Variants in ANKRD12 observed in about 807,000 individuals in gnomAD.
The protein encoded by ANKRD12 is ankyrin repeat domain 12.
In ANKRD12, 85 loss-of-function variants were observed where a neutral mutation model predicts 183.4. The observed-to-expected ratio is 0.46, with a 90% CI of 0.39 to 0.56. The LOEUF is 0.56. Ranked by LOEUF, ANKRD12 falls within the 20% of genes least tolerant of loss-of-function variation. The probability of loss-of-function intolerance (pLI) is 0.00; values close to 1 mark genes in which losing one functional copy is unlikely to be tolerated. For synonymous variants in ANKRD12, 914 were observed against 800.2 expected, an observed-to-expected ratio of 1.14 and a Z score of -2.40; for missense variants, 2,405 against 2,357.1, an observed-to-expected ratio of 1.02 and a Z score of -0.42.
chr18:9,150,153 G>A (rs1394423737), intron 1 of ANKRD12, among the ~76,000 whole-genome samples: 2 of 152,082 alleles, frequency 1.3e-5, no homozygotes, highest in Non-Finnish European at 2.9e-5. Context: ...TTTCCCGAAA[G>A]GTATAATATT....
chr18:9,226,415 T>C (rs571085006), intron 8 of ANKRD12, among the ~76,000 whole-genome samples: 1 of 140,850 alleles, frequency 7.1e-6, no homozygotes, highest in African/African-American at 2.6e-5. Context: ...ACAAGAGTGA[T>C]GCTCTGTCTC....
intron 1 of ANKRD12, among the ~76,000 whole-genome samples, chr18:9,139,395 G>A (rs968384889): frequency 5.3e-5 from 8 of 152,124 alleles, no homozygotes; most frequent in South Asian, 2.1e-4. Flanking sequence ...GAAATGGTAG[G>A]ATATTTGGAA....
intron 11 of ANKRD12, among the ~76,000 whole-genome samples, chr18:9,276,191 G>T (rs8099583): frequency 0.22 from 33,099 of 152,100 alleles, 4,122 homozygotes; most frequent in African/African-American, 0.34. Context: ...TTCAGAATTT[G>T]TTTATGGCTT....
At chr18:9,146,819 C>T (rs1051925749) in intron 1 of ANKRD12, among the ~76,000 whole-genome samples, 1 of 152,088 alleles carries the variant, frequency 6.6e-6, no homozygotes, top group Non-Finnish European at 1.5e-5. Flanking sequence ...TACAGTTGTT[C>T]TGAAATCTAG....
At chr18:9,216,282 G>T (rs752068917) in intron 6 of ANKRD12, among the ~76,000 whole-genome samples, 1 of 151,966 alleles carries the variant, frequency 6.6e-6, no homozygotes, top group East Asian at 1.9e-4. Context: ...CCTACTCACC[G>T]TGAAGATGAT....
chr18:9,172,538 T>C (rs533878492), intron 1 of ANKRD12, among the ~76,000 whole-genome samples: 2 of 152,340 alleles, frequency 1.3e-5, no homozygotes, highest in South Asian at 2.1e-4. Flanking sequence ...GGTTGCATTG[T>C]GAATTTCTCA....
intron 2 of ANKRD12, among the ~76,000 whole-genome samples, chr18:9,194,792 A>T (rs533415191): frequency 6.7e-4 from 102 of 152,322 alleles, no homozygotes; most frequent in African/African-American, 2.3e-3. Flanking sequence ...TTGTTTTAAA[A>T]TTGTTATTAG....
At chr18:9,260,607 A>G (rs2038911263) in intron 9 of ANKRD12, among the ~76,000 whole-genome samples, 1 of 152,194 alleles carries the variant, frequency 6.6e-6, no homozygotes, top group African/African-American at 2.4e-5. Flanking sequence ...AGAGTGGGTG[A>G]TAAAAGGAAA....
At chr18:9,252,791 C>T (rs2038376635) in intron 8 of ANKRD12, among the ~76,000 whole-genome samples, 1 of 152,106 alleles carries the variant, frequency 6.6e-6, no homozygotes, top group African/African-American at 2.4e-5. Context: ...TTGTGAAACT[C>T]CGTTTCTACC....
At chr18:9,230,757 C>G (rs898827055) in intron 8 of ANKRD12, among the ~76,000 whole-genome samples, 2 of 151,696 alleles carry the variant, frequency 1.3e-5, no homozygotes, top group African/African-American at 2.4e-5. Context: ...CTCCCAGGCT[C>G]AAGAGATTCT....
chr18:9,254,560 A>G lies in ANKRD12; in HGVS notation c.1293A>G (p.Glu431=), dbSNP rs564590596. The change falls in exon 9 of 13, where the codon GAA becomes GAG. Residue 431 remains glutamate, a synonymous_variant. Transcript: ENST00000262126. ...ATTCAAGTACTGAAAGTTCTGATGAAGAAGCTCTTCAGAATAAAAAGATTT... is the reference window on the plus strand; with the variant it reads ...ATTCAAGTACTGAAAGTTCTGATGAGGAAGCTCTTCAGAATAAAAAGATTT... The part of the protein sequence containing the change: ...VLYSSTESSD[E]EALQNKKIST... 6.4e-7 allele frequency: 1 copy of G among 1,560,378 alleles called. No homozygotes were observed. Among genetic ancestry groups the G allele is most frequent in the Non-Finnish European group, 8.6e-7 (1 of 1,160,376 alleles).
chr18:9,241,264 G>T (rs2037646584), intron 8 of ANKRD12, among the ~76,000 whole-genome samples: 1 of 152,128 alleles, frequency 6.6e-6, no homozygotes, highest in African/African-American at 2.4e-5. Context: ...AGACTTGATA[G>T]AGCATTTTAT....
intron 6 of ANKRD12, among the ~76,000 whole-genome samples, chr18:9,213,654 G>C (rs2035930194): frequency 6.6e-6 from 1 of 151,860 alleles, no homozygotes; most frequent in African/African-American, 2.4e-5. Flanking sequence ...AGAGCTAGTA[G>C]ATATTATGTT....
At chr18:9,138,070 G>A (rs2078183335) in intron 1 of ANKRD12, among the ~76,000 whole-genome samples, 1 of 152,182 alleles carries the variant, frequency 6.6e-6, no homozygotes, top group African/African-American at 2.4e-5. Context: ...TGCTGTGTAT[G>A]TAATGGTTCG....
intron 10 of ANKRD12, among the ~76,000 whole-genome samples, chr18:9,264,643 G>A (rs1239016319): frequency 6.6e-6 from 1 of 152,160 alleles, no homozygotes; most frequent in Non-Finnish European, 1.5e-5. Flanking sequence ...ACAAAGAGAA[G>A]CAACAAATGA....
chr18:9,181,492 T>A (rs562258071), intron 1 of ANKRD12, among the ~76,000 whole-genome samples: 1 of 152,242 alleles, frequency 6.6e-6, no homozygotes, highest in South Asian at 2.1e-4. Flanking sequence ...CTTCTTGTTG[T>A]AGCCCAAGTA....
intron 8 of ANKRD12, among the ~76,000 whole-genome samples, chr18:9,253,986 A>G (rs1262036065): frequency 2.6e-5 from 4 of 152,220 alleles, no homozygotes; most frequent in African/African-American, 9.6e-5. Flanking sequence ...TAGAAGTGTC[A>G]AAAGGAGCCT....
chr18:9,177,616 TG>T (rs1294427608), intron 1 of ANKRD12, among the ~76,000 whole-genome samples: 2 of 152,176 alleles, frequency 1.3e-5, no homozygotes, highest in East Asian at 3.9e-4. Flanking sequence ...CTAGCTATTT[TG>T]AAATATATGA....
At chr18:9,166,170 G>A (rs148247159) in intron 1 of ANKRD12, among the ~76,000 whole-genome samples, 2,866 of 152,066 alleles carry the variant, frequency 0.019, 99 homozygotes, top group African/African-American at 0.066. Context: ...GAATAGTGCC[G>A]CAATAAACAT....
Sources: gnomAD v4.1 joint callset for allele counts (sites outside exome capture counted in the v4.1 genomes callset) on GRCh38, gnomAD v4.1.1 for gene constraint, MANE v1.5 for transcripts, NCBI Gene and HGNC (gene_info 2026-07-23, HGNC 2026-07-21) for gene names.